GPHN: variants seen among roughly 807,000 people sequenced by gnomAD.
The protein encoded by GPHN is gephyrin.
A neutral mutation model predicts 95.5 loss-of-function variants in GPHN; 17 were observed. The observed-to-expected ratio is 0.18, with a 90% CI of 0.12 to 0.27. The LOEUF is 0.27. Among genes scored for constraint, GPHN ranks in the 10% least tolerant of loss-of-function variants. The pLI is 1.00. For synonymous variants in GPHN, 320 were observed against 322.5 expected (o/e 0.99, Z 0.08); for missense variants, 660 against 978.1 (o/e 0.67, Z 4.34).
chr14:66,661,711 A>G (rs945382476), intron 1 of GPHN, among the ~76,000 whole-genome samples: 1 of 152,132 alleles, frequency 6.6e-6, no homozygotes, highest in South Asian at 2.1e-4. Context: ...TGGACCCTCC[A>G]GCCACCCTCA....
rs1031735415 is a variant in GPHN at position 66,923,089 on chromosome 14, A to G, written c.729+151A>G. The G allele has an allele frequency of 5.7e-6, 4 of 706,658 alleles. No individual in the cohort carries two copies. The Admixed American group carries it at 6.3e-5, about 11-fold the overall frequency. 43.8% of individuals were successfully genotyped at this position (706,658 alleles called of 1,614,324 possible). A position where few individuals can be genotyped will look rare whatever the true frequency, so the allele number is the denominator to read the frequency against. On this transcript the variant is annotated intron_variant, in intron 7 of 22. Transcript: ENST00000478722. The stretch of plus-strand genomic sequence containing the variant: ...GGGATGTCCATGACACTCCACTACT[A>G]TGTTTCCTTCTTGATATAGATTCCT...
At chr14:67,662,556 T>G in the GPHN span, 1 of 1,594,384 alleles carries the variant, frequency 6.3e-7, no homozygotes, top group East Asian at 2.2e-5. Context: ...TAGATAAGTT[T>G]CAAATGCTTA....
chr14:66,810,844 A>G lies in GPHN; in HGVS notation c.202-13630A>G, dbSNP rs930528407. 2.0e-5 allele frequency among the ~76,000 whole-genome samples: 3 copies of G among 152,188 alleles called. No individual in the cohort carries two copies. The South Asian group carries it at 6.2e-4, about 31-fold the overall frequency. ...CTTGCCTATGAGCACAAAGCTAGTA[A>G]GTAGACTAAAACTGGAATGGGTACC... On this transcript the variant is annotated intron_variant, in intron 3 of 22. Transcript: ENST00000478722.
chr14:67,462,044 C>T, the GPHN span, among the ~76,000 whole-genome samples: 2 of 152,210 alleles, frequency 1.3e-5, no homozygotes, highest in African/African-American at 4.8e-5. Flanking sequence ...CCCTGAAGAA[C>T]TCCTGGGGAC....
At chr14:67,699,589 C>CAAAAAA in the GPHN span, among the ~76,000 whole-genome samples, 295 of 49,592 alleles carry the variant, frequency 5.9e-3, no homozygotes, top group East Asian at 6.7e-3. Flanking sequence ...GACCCTATCT[C>CAAAAAA]AAAAAAAAAA....
chr14:67,264,470 TC>T, the GPHN span, among the ~76,000 whole-genome samples: 1 of 151,688 alleles, frequency 6.6e-6, no homozygotes, highest in Non-Finnish European at 1.5e-5. Flanking sequence ...TGTTATTTTT[TC>T]ATGTGTTTTC....
intron 1 of GPHN, among the ~76,000 whole-genome samples, chr14:66,641,181 G>C (rs7153011): frequency 0.33 from 50,358 of 152,018 alleles, 12,352 homozygotes; most frequent in African/African-American, 0.67. Context: ...ATTGTTTGAC[G>C]TAACGGTGGT....
intron 4 of GPHN, among the ~76,000 whole-genome samples, chr14:66,837,912 A>G (rs2061919865): frequency 6.6e-6 from 1 of 152,126 alleles, no homozygotes; most frequent in South Asian, 2.1e-4. Context: ...CATATGTTAA[A>G]TAAACATACA....
the GPHN span, among the ~76,000 whole-genome samples, chr14:67,342,323 T>C: frequency 0.019 from 2,877 of 152,010 alleles, 37 homozygotes; most frequent in Middle Eastern, 0.034. Context: ...CTAGTGTCTT[T>C]TCTATGCATA....
intron 1 of GPHN, among the ~76,000 whole-genome samples, chr14:66,545,514 AC>A (rs1371551258): frequency 2.4e-5 from 2 of 82,796 alleles, no homozygotes; most frequent in Admixed American, 2.8e-4. Flanking sequence ...CGGGGAGCTG[AC>A]CCCCCCACCT....
At chr14:66,640,555 C>G (rs12589859) in intron 1 of GPHN, among the ~76,000 whole-genome samples, 49,586 of 151,798 alleles carry the variant, frequency 0.33, 11,892 homozygotes, top group African/African-American at 0.65. Context: ...GGTTTTTTAA[C>G]TATACCACTC....
intron 4 of GPHN, among the ~76,000 whole-genome samples, chr14:66,860,129 T>C (rs1680894395): frequency 6.6e-6 from 1 of 152,022 alleles, no homozygotes; most frequent in African/African-American, 2.4e-5. Flanking sequence ...AGGTTATAGA[T>C]AACACTAAGC....
chr14:67,498,650 G>A, the GPHN span, among the ~76,000 whole-genome samples: 1 of 152,112 alleles, frequency 6.6e-6, no homozygotes, highest in Non-Finnish European at 1.5e-5. Flanking sequence ...CAGAATAAAG[G>A]CAATGTGTTT....
the GPHN span, among the ~76,000 whole-genome samples, chr14:67,688,505 T>C: frequency 6.6e-6 from 1 of 151,970 alleles, no homozygotes; most frequent in Non-Finnish European, 1.5e-5. Flanking sequence ...CTGTTGATAA[T>C]GGTCATATGA....
the GPHN span, among the ~76,000 whole-genome samples, chr14:67,297,061 T>A: frequency 6.6e-6 from 1 of 152,192 alleles, no homozygotes; most frequent in Admixed American, 6.5e-5. Flanking sequence ...AACTTGATAA[T>A]AGTCAAAAAT....
At chr14:67,242,886 T>C in the GPHN span, among the ~76,000 whole-genome samples, 5 of 152,292 alleles carry the variant, frequency 3.3e-5, no homozygotes, top group East Asian at 9.6e-4. Context: ...TTTTAGAATG[T>C]TAAAACGGGA....
At chr14:67,104,613 C>T (rs759689111) in intron 13 of GPHN, among the ~76,000 whole-genome samples, 1 of 152,060 alleles carries the variant, frequency 6.6e-6, no homozygotes, top group Non-Finnish European at 1.5e-5. Flanking sequence ...AATTTACTCA[C>T]TTCTGCTAGG....
chr14:66,691,588 T>A (rs1182895763), intron 2 of GPHN, among the ~76,000 whole-genome samples: 1 of 152,190 alleles, frequency 6.6e-6, no homozygotes, highest in Non-Finnish European at 1.5e-5. Context: ...AACACAGCCA[T>A]GCATAGTGTT....
the GPHN span, chr14:67,659,860 A>G: frequency 6.2e-7 from 1 of 1,614,192 alleles, no homozygotes; most frequent in Non-Finnish European, 8.5e-7. Context: ...TTCGAAGCTT[A>G]GACATCATGG....
Sources: allele counts gnomAD v4.1 joint callset (sites outside exome capture counted in the v4.1 genomes callset), GRCh38; gene constraint gnomAD v4.1.1; transcripts MANE v1.5; gene names NCBI Gene and HGNC (gene_info 2026-07-23, HGNC 2026-07-21).